The following DNAH3 variants were observed in gnomAD, a reference collection of about 807,000 sequenced individuals.
DNAH3 encodes dynein axonemal heavy chain 3.
In DNAH3, 332 loss-of-function variants were observed where a neutral mutation model predicts 432.5. That is an observed-to-expected ratio of 0.77 (90% CI 0.70 to 0.84). The LOEUF is 0.84. Ranked by LOEUF, DNAH3 falls within the 40% of genes least tolerant of loss-of-function variation. DNAH3 has a pLI of 0.00. For missense variants in DNAH3, 4,861 were observed against 5,114.0 expected (o/e 0.95, Z 1.51); for synonymous variants, 1,956 against 1,900.2 (o/e 1.03, Z -0.76).
chr16:21,159,399 G>A (rs750828186), exon 1 of DNAH3: 1 of 1,614,120 alleles, frequency 6.2e-7, no homozygotes, highest in South Asian at 1.1e-5. Context: ...CCCGGATGGG[G>A]AGGGGCGGCC....
At chr16:21,153,342 A>T (rs535741508) in intron 1 of DNAH3, among the ~76,000 whole-genome samples, 1 of 152,110 alleles carries the variant, frequency 6.6e-6, no homozygotes, top group South Asian at 2.1e-4. Flanking sequence ...GTATCTAGCT[A>T]TTCTGGTGGG....
intron 1 of DNAH3, among the ~76,000 whole-genome samples, chr16:21,152,541 T>C (rs971243730): frequency 2.6e-5 from 4 of 152,260 alleles, no homozygotes; most frequent in African/African-American, 9.6e-5. Flanking sequence ...TGAGAGCTCC[T>C]TTCTGGGCTG....
Position 21,074,790 on chromosome 16 carries a change from C to T in DNAH3, c.3084+657G>A, listed in dbSNP as rs1401343325. ...CTGTTGCCTCCATGATTTACAGCTC[C>T]CCAAGAGCTGCAACCCTCATCCCTA... On this transcript the variant is annotated intron_variant, in intron 21 of 61. Coordinates refer to ENST00000261383, the Ensembl canonical transcript of DNAH3. Among the ~76,000 whole-genome samples the T allele has an allele frequency of 3.9e-5, 6 of 152,076 alleles. No homozygotes were observed. In the East Asian group the frequency reaches 9.6e-4, roughly 24 times the overall value.
chr16:20,948,543 C>T, exon 57 of DNAH3: 1 of 1,614,032 alleles, frequency 6.2e-7, no homozygotes, highest in South Asian at 1.1e-5. Flanking sequence ...AGTAATAGTC[C>T]TCCTCAATTT....
chr16:20,948,555 C>G (rs2084161794), exon 57 of DNAH3: 1 of 1,614,122 alleles, frequency 6.2e-7, no homozygotes, highest in Non-Finnish European at 8.5e-7. Flanking sequence ...CCTCAATTTC[C>G]TTACAGTAGA....
intron 38 of DNAH3, among the ~76,000 whole-genome samples, chr16:21,026,255 A>G (rs960324648): frequency 3.9e-5 from 6 of 152,178 alleles, no homozygotes; most frequent in African/African-American, 1.4e-4. Flanking sequence ...TTAGACTCCC[A>G]CCAGTAGTGT....
intron 14 of DNAH3, among the ~76,000 whole-genome samples, chr16:21,109,135 A>G (rs111630122): frequency 6.6e-4 from 101 of 151,958 alleles, no homozygotes; most frequent in African/African-American, 2.2e-3. Flanking sequence ...AAAAAAAAAA[A>G]AAAGAAAGAA....
chr16:21,034,388 T>G (rs1470788381), intron 35 of DNAH3, among the ~76,000 whole-genome samples: 1 of 152,226 alleles, frequency 6.6e-6, no homozygotes, highest in Non-Finnish European at 1.5e-5. Context: ...TGACCACCTT[T>G]TACAAAGGGT....
exon 9 of DNAH3, chr16:21,125,277 A>G: frequency 1.2e-6 from 2 of 1,613,748 alleles, no homozygotes; most frequent in Non-Finnish European, 1.7e-6. Flanking sequence ...AATATTCCTC[A>G]ATGTTTCGAC....
chr16:21,120,583 G>C (rs908972692), intron 11 of DNAH3: 1 of 656,816 alleles, frequency 1.5e-6, no homozygotes, highest in African/African-American at 1.8e-5. Flanking sequence ...AGGAAGCTAG[G>C]GCTGTGGGTG....
chr16:21,060,134 G>A (rs1048472901), intron 26 of DNAH3, 130 bp downstream of exon 26: 7 of 705,628 alleles, frequency 9.9e-6, no homozygotes, highest in South Asian at 3.4e-5. Context: ...GTGAAGGAAA[G>A]AGAGGTGCAG....
chr16:20,992,424 C>T (rs2086595662), intron 44 of DNAH3, among the ~76,000 whole-genome samples: 2 of 152,200 alleles, frequency 1.3e-5, no homozygotes, highest in Admixed American at 1.3e-4. Flanking sequence ...CGGCTCACTG[C>T]AAGCTCCGCC....
At chr16:20,944,305 C>T (rs1402425521) in intron 58 of DNAH3, among the ~76,000 whole-genome samples, 191 bp downstream of exon 58, 1 of 152,176 alleles carries the variant, frequency 6.6e-6, no homozygotes, top group Non-Finnish European at 1.5e-5. Flanking sequence ...ATTTTGGAAA[C>T]ACTGGTTCCC....
chr16:21,078,658 A>T (rs953630614), intron 20 of DNAH3, among the ~76,000 whole-genome samples: 2 of 152,226 alleles, frequency 1.3e-5, no homozygotes, highest in East Asian at 3.8e-4. Flanking sequence ...TCAATTAAAT[A>T]AGACCAAATG....
intron 46 of DNAH3, 97 bp from the exon 47 acceptor site, chr16:20,987,545 G>T: frequency 6.4e-7 from 1 of 1,550,788 alleles, no homozygotes; most frequent in Non-Finnish European, 8.8e-7. Context: ...TTTGAGGATT[G>T]AACTAGATAA....
intron 14 of DNAH3, among the ~76,000 whole-genome samples, chr16:21,107,239 CTTTTTTTTTTTT>C (rs5816146): frequency 7.0e-4 from 64 of 91,306 alleles, no homozygotes; most frequent in Middle Eastern, 6.8e-3. Context: ...AATTTTTAAT[CTTTTTTTTTTTT>C]TTTTTTTTTG....
At chr16:21,057,669 T>TGAA (rs1351204663) in intron 27 of DNAH3, among the ~76,000 whole-genome samples, 1 of 152,078 alleles carries the variant, frequency 6.6e-6, no homozygotes, top group Non-Finnish European at 1.5e-5. Context: ...AAGAGAAAGC[T>TGAA]GAAGGCAGGA....
At position 20,964,511 on chromosome 16, in the gene DNAH3, CA is replaced by C. The variant is rs1190812421; in HGVS notation, c.9372del (p.Val3125SerfsTer2). ...TCTTCTCCAATGTTTTCAATCAAGA[CA>C]GGGGTGCCTAACTGCAGCGCGTTTT... On this transcript the variant is annotated frameshift_variant, in exon 53 of 62. Coordinates refer to ENST00000261383, the Ensembl canonical transcript of DNAH3. LOFTEE classifies it high-confidence loss of function. The C allele has an allele frequency of 4.3e-6, 7 of 1,614,046 alleles. No individual in the cohort carries two copies. The highest frequency in any genetic ancestry group is 5.9e-6 in the Non-Finnish European group (7 of 1,180,040).
At chr16:20,996,705 C>T (rs532752603) in intron 44 of DNAH3, among the ~76,000 whole-genome samples, 2 of 152,242 alleles carry the variant, frequency 1.3e-5, no homozygotes, top group African/African-American at 4.8e-5. Context: ...GCGATCTACC[C>T]GCTTCGGCCT....
Sources: allele counts gnomAD v4.1 joint callset (sites outside exome capture counted in the v4.1 genomes callset), GRCh38; gene constraint gnomAD v4.1.1; transcripts MANE v1.5; gene names NCBI Gene and HGNC (gene_info 2026-07-23, HGNC 2026-07-21).